TMEM263: variants seen among roughly 807,000 people sequenced by gnomAD.
The protein encoded by TMEM263 is transmembrane protein 263.
TMEM263 carries 5 observed loss-of-function variants against 8.6 expected under a neutral mutation model. The observed-to-expected ratio is 0.58, with a 90% CI of 0.31 to 1.23. The LOEUF (loss-of-function observed/expected upper bound fraction) is 1.23. Among genes scored for constraint, TMEM263 ranks in the 50% most tolerant of loss-of-function variants. TMEM263 has a pLI of 0.07. For synonymous variants in TMEM263, 50 were observed against 47.9 expected, an observed-to-expected ratio of 1.04 and a Z score of -0.18; for missense variants, 104 against 138.8, an observed-to-expected ratio of 0.75 and a Z score of 1.26.
In TMEM263 at chr12:106,971,634, T is replaced by C; in HGVS notation, c.*243T>C. The C allele has an allele frequency of 2.5e-6, 1 of 396,306 alleles. No homozygotes were observed. The highest frequency in any genetic ancestry group is 4.5e-6 in the Non-Finnish European group (1 of 223,770). The allele number at this position is 396,306 out of a possible 1,614,324, so 24.5% of individuals were successfully genotyped here. A position where few individuals can be genotyped will look rare whatever the true frequency, so the allele number is the denominator to read the frequency against. ...AATGTTACACTTACTCGGTTGTAAC[T>C]GAAGATATGGTATGTTTGAATATTT... On this transcript the variant is annotated 3_prime_UTR_variant, in exon 4 of 4. Coordinates refer to ENST00000280756, the MANE Select transcript of TMEM263 (RefSeq NM_152261.4).
intron 2 of TMEM263, among the ~76,000 whole-genome samples, chr12:106,964,301 AT>A (rs1951816733): frequency 6.6e-6 from 1 of 152,236 alleles, no homozygotes; most frequent in Non-Finnish European, 1.5e-5. Context: ...AACAGCAAGT[AT>A]TTAATGAAGT....
intron 2 of TMEM263, among the ~76,000 whole-genome samples, chr12:106,965,625 A>G (rs887868442): frequency 7.3e-5 from 11 of 150,712 alleles, no homozygotes; most frequent in African/African-American, 2.4e-4. Flanking sequence ...AAAAAAAATC[A>G]CACAAAAATA....
chr12:106,963,086 G>A (rs1566222973), intron 2 of TMEM263, among the ~76,000 whole-genome samples: 2 of 152,206 alleles, frequency 1.3e-5, no homozygotes, highest in Non-Finnish European at 2.9e-5. Context: ...CCTGAGCCAT[G>A]TACATATACT....
At chr12:106,963,501 A>T (rs1593465767) in intron 2 of TMEM263, among the ~76,000 whole-genome samples, 1 of 152,230 alleles carries the variant, frequency 6.6e-6, no homozygotes, top group Non-Finnish European at 1.5e-5. Context: ...TGTCCAAAGC[A>T]TTTATTTAGA....
rs749094798 is a variant in TMEM263 at position 106,967,098 on chromosome 12, G to GT, written c.-6-3dup. ...AGGTTAAAATGAAATGTGTTTGTATGTTTTTTTTTTAGGAGATCATGAATC... is the reference window on the plus strand; with the variant it reads ...AGGTTAAAATGAAATGTGTTTGTATGTTTTTTTTTTTAGGAGATCATGAATC... On this transcript the variant is annotated splice_polypyrimidine_tract_variant and intron_variant, in intron 2 of 3. Coordinates refer to ENST00000280756, the MANE Select transcript of TMEM263 (RefSeq NM_152261.4). 0.022 allele frequency: 25,830 copies of GT among 1,193,562 alleles called. 15 individuals carry two copies. Among genetic ancestry groups the GT allele is most frequent in the African/African-American group, 0.031 (1,964 of 63,600 alleles). 73.9% of individuals were successfully genotyped at this position (1,193,562 alleles called of 1,614,324 possible).
In TMEM263 at chr12:106,967,173, A is replaced by G; in HGVS notation, c.57A>G (p.Pro19=). Residue 19 remains proline (P), a synonymous_variant, in exon 3 of 4, where the codon CCA becomes CCG. Transcript: ENST00000280756. ...TCCCATCATACCTTAATGATGAACCACCAGAAGGTAAGTATGCATCTGTAA... is the reference window on the plus strand; with the variant it reads ...TCCCATCATACCTTAATGATGAACCGCCAGAAGGTAAGTATGCATCTGTAA... ...QEIPSYLNDE[P]PEGSMKDHPQ... is the part of the protein sequence containing the mutation. 1 of 1,585,712 alleles carries G rather than the reference A, an allele frequency of 6.3e-7. No individual in the cohort carries two copies. Among genetic ancestry groups the G allele is most frequent in the Non-Finnish European group, 8.6e-7 (1 of 1,159,950 alleles).
intron 2 of TMEM263, among the ~76,000 whole-genome samples, chr12:106,962,736 T>C (rs1410264509): frequency 1.3e-5 from 2 of 152,222 alleles, no homozygotes; most frequent in Non-Finnish European, 2.9e-5. Flanking sequence ...AAACAAGTCC[T>C]TCATCTTCTC....
chr12:106,963,268 C>CA lies in TMEM263; in HGVS notation c.-6-3842dup, dbSNP rs142403607. On this transcript the variant is annotated intron_variant, in intron 2 of 3. Coordinates refer to ENST00000280756, the MANE Select transcript of TMEM263 (RefSeq NM_152261.4). ...TAGGAAGCAGTTGGAGGATATTAAA[C>CA]AGAGTATGACACGACTGGACTGAAA... is the stretch of plus-strand genomic sequence containing the variant. Among the ~76,000 whole-genome samples, 757 of 152,244 alleles carry CA rather than the reference C, an allele frequency of 5.0e-3. 5 individuals are homozygous for CA. The highest frequency in any genetic ancestry group is 0.017 in the African/African-American group (709 of 41,532).
chr12:106,962,663 A>C (rs564482039), intron 2 of TMEM263, among the ~76,000 whole-genome samples: 2 of 152,256 alleles, frequency 1.3e-5, no homozygotes, highest in South Asian at 4.1e-4. Flanking sequence ...TGGCCCCTTA[A>C]ATCCAATTGC....
At chr12:106,969,745 T>C (rs952087457) in intron 3 of TMEM263, among the ~76,000 whole-genome samples, 2 of 151,206 alleles carry the variant, frequency 1.3e-5, no homozygotes, top group African/African-American at 4.9e-5. Flanking sequence ...AAAAAAAATA[T>C]TAGATTACTA....
In TMEM263 at chr12:106,967,177, G is replaced by T. The variant is rs562550873; in HGVS notation, c.61G>T (p.Glu21Ter). 1 of 1,580,904 alleles carries T rather than the reference G, an allele frequency of 6.3e-7. No individual in the cohort carries two copies. The highest frequency in any genetic ancestry group is 1.1e-5 in the South Asian group (1 of 87,514). The change falls in exon 3 of 4, where the codon GAA (glutamate) becomes TAA (stop). Residue 21 changes from glutamate (E) to a stop codon, truncating the protein, a stop_gained. Transcript: ENST00000280756. LOFTEE classifies it high-confidence loss of function. ...ATCATACCTTAATGATGAACCACCA[G>T]AAGGTAAGTATGCATCTGTAACACT... ...IPSYLNDEPP[E>*]GSMKDHPQQQ...
At chr12:106,956,950 C>A in intron 1 of TMEM263, 132 bp from the exon 2 acceptor site, 1 of 423,332 alleles carries the variant, frequency 2.4e-6, no homozygotes, top group Non-Finnish European at 3.2e-6. Flanking sequence ...AGGGGCCACC[C>A]GGAAGGGTTT....
At chr12:106,971,071 T>G (rs188958128) in intron 3 of TMEM263, 34 bp from the exon 4 acceptor site, 10 of 1,605,360 alleles carry the variant, frequency 6.2e-6, no homozygotes, top group Non-Finnish European at 8.5e-6. Flanking sequence ...TTGTGACTTA[T>G]ATTTGATTGT....
Position 106,971,929 on chromosome 12 carries a change from T to C in TMEM263, c.*538T>C, listed in dbSNP as rs1235651510. 1 of 152,768 alleles carries C rather than the reference T, an allele frequency of 6.5e-6. No homozygotes were observed. Among genetic ancestry groups the C allele is most frequent in the Non-Finnish European group, 1.5e-5 (1 of 68,112 alleles). 9.5% of individuals were successfully genotyped at this position (152,768 alleles called of 1,614,324 possible). A position where few individuals can be genotyped will look rare whatever the true frequency, so the allele number is the denominator to read the frequency against. On this transcript the variant is annotated 3_prime_UTR_variant, in exon 4 of 4. Transcript: ENST00000280756. ...AAGTTTAAAAAGATAAATGGTTTTATGATAATGTTAACCATCTTTTGTTAG... is the reference window on the plus strand; with the variant it reads ...AAGTTTAAAAAGATAAATGGTTTTACGATAATGTTAACCATCTTTTGTTAG...
At chr12:106,967,215 A>T (rs1193663975) in intron 3 of TMEM263, 35 bp downstream of exon 3, 1 of 1,202,368 alleles carries the variant, frequency 8.3e-7, no homozygotes, top group Non-Finnish European at 1.2e-6. Flanking sequence ...GAATGGAAAA[A>T]TATACTGAAT....
chr12:106,971,048 C>T (rs570047478), intron 3 of TMEM263, 57 bp from the exon 4 acceptor site: 5 of 1,569,508 alleles, frequency 3.2e-6, no homozygotes, highest in African/African-American at 1.3e-5. Flanking sequence ...ATGTGTACTG[C>T]TCTTTTAAAG....
At chr12:106,958,209 T>C (rs187431385) in intron 2 of TMEM263, among the ~76,000 whole-genome samples, 119 of 152,342 alleles carry the variant, frequency 7.8e-4, no homozygotes, top group Non-Finnish European at 1.4e-3. Flanking sequence ...TATTTTGTAG[T>C]TAAGCTTTAT....
intron 1 of TMEM263, among the ~76,000 whole-genome samples, 173 bp downstream of exon 1, chr12:106,956,238 G>C (rs1951687822): frequency 6.6e-6 from 1 of 152,234 alleles, no homozygotes; most frequent in African/African-American, 2.4e-5. Flanking sequence ...GAAGTTGGGG[G>C]CGGATGGAGG....
Position 106,971,260 on chromosome 12 carries a change from A to G in TMEM263, c.220A>G (p.Thr74Ala). 1.2e-6 allele frequency: 2 copies of G among 1,614,196 alleles called. No individual in the cohort carries two copies. The highest frequency in any genetic ancestry group is 1.7e-5 in the Admixed American group (1 of 60,016). The change falls in exon 4 of 4, where the codon ACT becomes GCT. Residue 74 changes from threonine (T) to alanine (A), a missense_variant. Transcript: ENST00000280756. ...GGAAGTGACCAAAACAGCTGTTACA[A>G]CTGTGCCTTCCATGGGAATAGGGCT... is the stretch of plus-strand genomic sequence containing the variant. ...SLEVTKTAVT[T>A]VPSMGIGLVK...
Sources: gnomAD v4.1 joint callset for allele counts (sites outside exome capture counted in the v4.1 genomes callset) on GRCh38, gnomAD v4.1.1 for gene constraint, MANE v1.5 for transcripts, NCBI Gene and HGNC (gene_info 2026-07-23, HGNC 2026-07-21) for gene names.